The following PRSS57 variants were observed in gnomAD, a reference collection of about 807,000 sequenced individuals.
PRSS57 encodes serine protease 57, also known as neutrophil serine protease 4.
A neutral mutation model predicts 20.6 loss-of-function variants in PRSS57; 19 were observed. The ratio of observed to expected loss-of-function variants is 0.92; its 90% CI spans 0.64 to 1.35. The LOEUF (loss-of-function observed/expected upper bound fraction) is 1.35. PRSS57 is among the 40% of genes most tolerant of loss of function. The probability of loss-of-function intolerance (pLI) is 0.00; values close to 1 mark genes in which losing one functional copy is unlikely to be tolerated. For synonymous variants in PRSS57, 203 were observed against 176.6 expected (o/e 1.15, Z -1.19); for missense variants, 440 against 403.7 (o/e 1.09, Z -0.77).
rs1171032187 is a variant in PRSS57, at chr19:693,229, C to CTTTTTTTTTTTTTTTTTTTTTTT, written c.234-1228_234-1227insAAAAAAAAAAAAAAAAAAAAAAA. Among the ~76,000 whole-genome samples, 3 of 109,128 alleles carry CTTTTTTTTTTTTTTTTTTTTTTT rather than the reference C, an allele frequency of 2.7e-5. 1 individual carries two copies. Among genetic ancestry groups the CTTTTTTTTTTTTTTTTTTTTTTT allele is most frequent in the Non-Finnish European group, 1.8e-5 (1 of 54,488 alleles). The allele number at this position is 109,128 out of a possible 152,430, so 71.6% of individuals were successfully genotyped here. A position where few individuals can be genotyped will look rare whatever the true frequency, so the allele number is the denominator to read the frequency against. On this transcript the variant is annotated intron_variant, in intron 2 of 4. Coordinates refer to ENST00000329267, the MANE Select transcript of PRSS57 (RefSeq NM_001308209.2). Reference sequence around the variant, plus strand: ...TACAGGCGTGAGCCACCGCACCCGGCCTTTTTTTTTTTTTTTTTTTTGAGA... The same window carrying CTTTTTTTTTTTTTTTTTTTTTTT: ...TACAGGCGTGAGCCACCGCACCCGGCTTTTTTTTTTTTTTTTTTTTTTTCTTTTTTTTTTTTTTTTTTTTGAGA...
intron 1 of PRSS57, 58 bp from the exon 2 acceptor site, chr19:695,025 G>C (rs1402313125): frequency 1.4e-6 from 2 of 1,452,536 alleles, no homozygotes; most frequent in African/African-American, 2.9e-5. Context: ...GACGGGGCTG[G>C]GGTCAGGGCA....
In PRSS57 at chr19:685,731, T is replaced by TG; in HGVS notation, c.833dup (p.Gly279ArgfsTer14). 6.5e-7 allele frequency: 1 copy of TG among 1,547,308 alleles called. No individual in the cohort carries two copies. Among genetic ancestry groups the TG allele is most frequent in the Non-Finnish European group, 8.8e-7 (1 of 1,140,714 alleles). ...AGGTTGTGGCTCAGGCGGCTTCTCCTGGGGGCCTGGTGGTCCCAGGCAGGG... is the reference window on the plus strand; with the variant it reads ...AGGTTGTGGCTCAGGCGGCTTCTCCTGGGGGGCCTGGTGGTCCCAGGCAGGG... On this transcript the variant is annotated frameshift_variant, in exon 5 of 5. Transcript: ENST00000329267. LOFTEE classifies it high-confidence loss of function.
intron 2 of PRSS57, 89 bp from the exon 3 acceptor site, chr19:692,091 C>A: frequency 8.2e-7 from 1 of 1,214,108 alleles, no homozygotes; most frequent in Non-Finnish European, 1.0e-6. Flanking sequence ...AGGCCCAGGC[C>A]GGGCACGGTG....
chr19:692,427 C>CTT (rs200740826), intron 2 of PRSS57, among the ~76,000 whole-genome samples: 4 of 98,828 alleles, frequency 4.0e-5, no homozygotes, highest in African/African-American at 1.3e-4. Flanking sequence ...TTCCTTTTTT[C>CTT]TTTTTTTTTT....
At chr19:689,250 A>ATGGGG in intron 3 of PRSS57, among the ~76,000 whole-genome samples, 1 of 147,502 alleles carries the variant, frequency 6.8e-6, no homozygotes, top group Non-Finnish European at 1.5e-5. Flanking sequence ...GCAGGAGATG[A>ATGGGG]CGGGGCCGGA....
chr19:691,694 C>T (rs563533815), intron 3 of PRSS57, among the ~76,000 whole-genome samples, 164 bp downstream of exon 3: 108 of 151,592 alleles, frequency 7.1e-4, no homozygotes, highest in Middle Eastern at 3.4e-3. Flanking sequence ...TGGCGCGCAC[C>T]TGTAATCCCA....
rs111541828 is a variant in PRSS57 at position 685,935 on chromosome 19, G to A, written c.643-13C>T. 1.2e-3 allele frequency: 1,810 copies of A among 1,530,146 alleles called. 22 individuals are homozygous for A. In the African/African-American group the frequency reaches 0.022, roughly 19 times the overall value. The allele number at this position is 1,530,146 out of a possible 1,614,324, so 94.8% of individuals were successfully genotyped here. A position where few individuals can be genotyped will look rare whatever the true frequency, so the allele number is the denominator to read the frequency against. Reference sequence around the variant, plus strand: ...CTCCGGAGTCGGCCTGGAGTGAAAGGAGAGGTGAGGTCAGGGCCTCTGGGA... The same window carrying A: ...CTCCGGAGTCGGCCTGGAGTGAAAGAAGAGGTGAGGTCAGGGCCTCTGGGA... On this transcript the variant is annotated splice_polypyrimidine_tract_variant and intron_variant, in intron 4 of 4. Coordinates refer to ENST00000329267, the MANE Select transcript of PRSS57 (RefSeq NM_001308209.2).
chr19:691,511 A>G lies in PRSS57; in HGVS notation c.378+347T>C, dbSNP rs55914611. 6.2e-4 allele frequency among the ~76,000 whole-genome samples: 91 copies of G among 147,960 alleles called. 1 individual carries two copies. The highest frequency in any genetic ancestry group is 2.2e-3 in the African/African-American group (89 of 40,044). On this transcript the variant is annotated intron_variant, in intron 3 of 4. Coordinates refer to ENST00000329267, the MANE Select transcript of PRSS57 (RefSeq NM_001308209.2). ...CAGTTCGAGACTCTGACTCAAAAAAAAAAAAAAAGAAAAGAAAAGAAAAGT... is the reference window on the plus strand; with the variant it reads ...CAGTTCGAGACTCTGACTCAAAAAAGAAAAAAAAGAAAAGAAAAGAAAAGT...
At chr19:694,740 C>T in intron 2 of PRSS57, 74 bp downstream of exon 2, 4 of 1,480,482 alleles carry the variant, frequency 2.7e-6, no homozygotes, top group Non-Finnish European at 3.6e-6. Flanking sequence ...GCCCCCAGCT[C>T]CCCCACCAGC....
chr19:689,858 G>T (rs145312343), intron 3 of PRSS57, among the ~76,000 whole-genome samples: 3,551 of 152,246 alleles, frequency 0.023, 62 homozygotes, highest in South Asian at 0.049. Context: ...GTTAAGACCA[G>T]CCTGGCCAAC....
At chr19:686,864 C>T (rs559559006) in intron 4 of PRSS57, 61 bp downstream of exon 4, 21 of 1,559,870 alleles carry the variant, frequency 1.3e-5, no homozygotes, top group African/African-American at 2.7e-5. Flanking sequence ...TGGCCCTGAC[C>T]CTCTCTGTGG....
intron 3 of PRSS57, among the ~76,000 whole-genome samples, chr19:687,872 C>A (rs2144808585): frequency 6.6e-6 from 1 of 152,306 alleles, no homozygotes; most frequent in Middle Eastern, 3.4e-3. Flanking sequence ...ACTCCCTGGG[C>A]CTGCCACACA....
chr19:691,329 C>A (rs1016282685), intron 3 of PRSS57, among the ~76,000 whole-genome samples: 1 of 151,426 alleles, frequency 6.6e-6, no homozygotes, highest in African/African-American at 2.4e-5. Flanking sequence ...CATAGTGAAA[C>A]CCCATCTCTA....
Position 687,074 on chromosome 19 carries a change from A to G in PRSS57, c.493T>C (p.Ser165Pro). 1 of 1,613,936 alleles carries G rather than the reference A, an allele frequency of 6.2e-7. No individual in the cohort carries two copies. The highest frequency in any genetic ancestry group is 1.3e-5 in the African/African-American group (1 of 75,044). The change falls in exon 4 of 5, where the codon TCT (serine) becomes CCT (proline). Residue 165 changes from serine to proline, a missense_variant. By Grantham distance (74) the Ser-to-Pro change is moderately conservative. Coordinates refer to ENST00000329267, the MANE Select transcript of PRSS57 (RefSeq NM_001308209.2). ...CCAGGCGGCAGCTCCTCAAAGTCAG[A>G]CACGAAGCCCCAGCCAGCCACCCGG... is the stretch of plus-strand genomic sequence containing the variant. ...RCRVAGWGFV[S>P]DFEELPPGLM... is the part of the protein sequence containing the mutation.
rs544111595 is a variant in PRSS57, at chr19:691,787, C to T, written c.378+71G>A. ...TGAGCCGAGATTGCGCCATTGCCCT[C>T]CAGCCCGAGCGACAGAGCGAGAGAC... is the stretch of plus-strand genomic sequence containing the variant. On this transcript the variant is annotated intron_variant, in intron 3 of 4. Coordinates refer to ENST00000329267, the MANE Select transcript of PRSS57 (RefSeq NM_001308209.2). 1.0e-5 allele frequency: 13 copies of T among 1,283,284 alleles called. No individual in the cohort carries two copies. In the African/African-American group the frequency reaches 1.8e-4, roughly 18 times the overall value. 79.5% of individuals were successfully genotyped at this position (1,283,284 alleles called of 1,614,324 possible).
chr19:687,234 C>T lies in PRSS57; in HGVS notation c.379-46G>A, dbSNP rs1485559792. 6 of 1,443,816 alleles carry T rather than the reference C, an allele frequency of 4.2e-6. No individual in the cohort carries two copies. In the African/African-American group the frequency reaches 7.2e-5, roughly 17 times the overall value. The allele number at this position is 1,443,816 out of a possible 1,614,324, so 89.4% of individuals were successfully genotyped here. A position where few individuals can be genotyped will look rare whatever the true frequency, so the allele number is the denominator to read the frequency against. ...CAGGCCACTGGGCTCCCTCCCCACC[C>T]CCGCTCCTGCCTCAGTTTATCCATG... On this transcript the variant is annotated intron_variant, in intron 3 of 4. Transcript: ENST00000329267.
chr19:686,591 G>C (rs2031478843), intron 4 of PRSS57, among the ~76,000 whole-genome samples: 1 of 152,244 alleles, frequency 6.6e-6, no homozygotes, highest in African/African-American at 2.4e-5. Flanking sequence ...AGACCCTCCA[G>C]GGCCAGTGTC....
At chr19:689,835 C>T (rs570253343) in intron 3 of PRSS57, among the ~76,000 whole-genome samples, 53 of 152,312 alleles carry the variant, frequency 3.5e-4, no homozygotes, top group South Asian at 3.1e-3. Context: ...GGGCGGATCA[C>T]TTGAGGACCG....
chr19:690,812 T>C, intron 3 of PRSS57: 1 of 333,806 alleles, frequency 3.0e-6, no homozygotes, highest in Non-Finnish European at 5.8e-6. Context: ...GCACAGAGGC[T>C]ACTGGGGGAA....
Sources: allele counts gnomAD v4.1 joint callset (sites outside exome capture counted in the v4.1 genomes callset), GRCh38; gene constraint gnomAD v4.1.1; transcripts MANE v1.5; gene names NCBI Gene and HGNC (gene_info 2026-07-23, HGNC 2026-07-21).